PYGB: variants seen among roughly 807,000 people sequenced by gnomAD.
PYGB encodes glycogen phosphorylase, brain form.
Under a neutral mutation model 94.3 loss-of-function variants are expected in PYGB, and 82 were observed. The ratio of observed to expected loss-of-function variants is 0.87; its 90% CI spans 0.73 to 1.04. The LOEUF is 1.04. Among genes scored for constraint, PYGB ranks in the 50% least tolerant of loss-of-function variants. The pLI is 0.00. For synonymous variants in PYGB, 488 were observed against 479.1 expected, an observed-to-expected ratio of 1.02 and a Z score of -0.24; for missense variants, 1,132 against 1,158.2, an observed-to-expected ratio of 0.98 and a Z score of 0.33.
chr20:25,289,032 CTGG>C (rs2088443024), intron 15 of PYGB, among the ~76,000 whole-genome samples: 1 of 152,214 alleles, frequency 6.6e-6, no homozygotes, highest in East Asian at 1.9e-4. Context: ...GAGGGTCCTG[CTGG>C]AGCAGTGGCC....
intron 16 of PYGB, among the ~76,000 whole-genome samples, chr20:25,291,562 G>A (rs1253162734): frequency 6.6e-6 from 1 of 152,202 alleles, no homozygotes; most frequent in Non-Finnish European, 1.5e-5. Context: ...CCTGGCAGGC[G>A]AGGTCCCTTG....
Position 25,258,204 on chromosome 20 carries a change from A to C in PYGB, c.244-1033A>C, listed in dbSNP as rs74911839. Reference sequence around the variant, plus strand: ...TAGAGTATTCTTAAGTTATGTATTAAAAACTTTATGGACCTCACCGACGAC... The same window carrying C: ...TAGAGTATTCTTAAGTTATGTATTACAAACTTTATGGACCTCACCGACGAC... On this transcript the variant is annotated intron_variant, in intron 1 of 19. Coordinates refer to ENST00000216962, the MANE Select transcript of PYGB (RefSeq NM_002862.4). 2.2e-4 allele frequency among the ~76,000 whole-genome samples: 34 copies of C among 152,308 alleles called. No homozygotes were observed. In the East Asian group the frequency reaches 6.0e-3, roughly 27 times the overall value.
At chr20:25,250,205 A>G (rs6050486) in intron 1 of PYGB, among the ~76,000 whole-genome samples, 9,893 of 152,224 alleles carry the variant, frequency 0.065, 994 homozygotes, top group African/African-American at 0.22. Flanking sequence ...CTCTGCCTTC[A>G]CATTCAAGGG....
chr20:25,282,227 G>A (rs1016481664), intron 12 of PYGB, 80 bp downstream of exon 12: 201 of 1,190,364 alleles, frequency 1.7e-4, no homozygotes, highest in East Asian at 4.4e-4. Context: ...CCTGCTGAGC[G>A]GTTGCTGAGT....
intron 1 of PYGB, among the ~76,000 whole-genome samples, chr20:25,253,251 A>T (rs1261508546): frequency 6.6e-6 from 1 of 152,200 alleles, no homozygotes; most frequent in African/African-American, 2.4e-5. Context: ...GTGGCCTTGC[A>T]CTTCAGAATC....
intron 19 of PYGB, among the ~76,000 whole-genome samples, 155 bp from the exon 20 acceptor site, chr20:25,296,215 T>C (rs1415158729): frequency 6.6e-6 from 1 of 152,186 alleles, no homozygotes; most frequent in East Asian, 1.9e-4. Flanking sequence ...GGTCCCCTTT[T>C]CAACGAACAA....
Position 25,278,444 on chromosome 20 carries a change from C to T in PYGB, c.981C>T (p.Phe327=), listed in dbSNP as rs139728214. 2.5e-6 allele frequency: 4 copies of T among 1,614,158 alleles called. No individual in the cohort carries two copies. The highest frequency in any genetic ancestry group is 3.4e-6 in the Non-Finnish European group (4 of 1,180,012). Residue 327 remains phenylalanine (F), a synonymous_variant, in exon 8 of 20, where the codon TTC becomes TTT. Coordinates refer to ENST00000216962, the MANE Select transcript of PYGB (RefSeq NM_002862.4). ...GCCGGGACCCTGTGAGAACCTGTTT[C>T]GAGACGTTCCCAGACAAGGTGCATG... The part of the protein sequence containing the change: ...FGCRDPVRTC[F]ETFPDKVAIQ...
chr20:25,276,799 G>T, intron 6 of PYGB, 42 bp downstream of exon 6: 1 of 1,575,982 alleles, frequency 6.3e-7, no homozygotes, highest in Non-Finnish European at 8.7e-7. Flanking sequence ...CCATGTGGGT[G>T]GCTGGTCCCA....
chr20:25,290,550 CA>C lies in PYGB; in HGVS notation c.1898del (p.His633LeufsTer9). The C allele has an allele frequency of 6.2e-7, 1 of 1,612,190 alleles. No individual in the cohort carries two copies. Among genetic ancestry groups the C allele is most frequent in the Admixed American group, 1.7e-5 (1 of 60,002 alleles). On this transcript the variant is annotated frameshift_variant, in exon 16 of 20. Transcript: ENST00000216962. LOFTEE classifies it high-confidence loss of function. ...CACCTCCATCGGCGACGTCGTCAAT[CA>C]TGACCCAGTTGTGGGTGACAGGTTG... ...LVTSIGDVVN[H>X]DPVVGDRLKV...
At chr20:25,293,325 A>T (rs768783360) in intron 17 of PYGB, among the ~76,000 whole-genome samples, 3 of 151,992 alleles carry the variant, frequency 2.0e-5, no homozygotes, top group Non-Finnish European at 4.4e-5. Context: ...TGTCTTTCCC[A>T]TCCCAGGATC....
Position 25,284,114 on chromosome 20 carries a change from TC to T in PYGB, c.1632del (p.Lys545SerfsTer12), listed in dbSNP as rs1568695645. On this transcript the variant is annotated frameshift_variant, in exon 14 of 20. Transcript: ENST00000216962. LOFTEE classifies it high-confidence loss of function. ...CTTTCACCCTCCCAGGAGAACAAGC[TC>T]AAGTTCTCGGCCTTCCTGGAGAAGG... ...DVAKVKQENKLKFSAFLEKEY... is the reference protein window; with the variant it reads ...DVAKVKQENKXKFSAFLEKEY... The T allele has an allele frequency of 6.2e-7, 1 of 1,613,900 alleles. No homozygotes were observed. Among genetic ancestry groups the T allele is most frequent in the East Asian group, 2.2e-5 (1 of 44,856 alleles).
intron 17 of PYGB, 186 bp from the exon 18 acceptor site, chr20:25,293,972 C>T (rs1418122134): frequency 1.8e-5 from 12 of 669,104 alleles, no homozygotes; most frequent in Admixed American, 5.6e-5. Context: ...CATCTCTGCT[C>T]GAGCAGGTCC....
intron 11 of PYGB, 109 bp downstream of exon 11, chr20:25,281,221 C>T: frequency 7.3e-7 from 1 of 1,376,880 alleles, no homozygotes; most frequent in Non-Finnish European, 9.9e-7. Flanking sequence ...ACAACCTGTG[C>T]CACTAGGCCC....
chr20:25,262,306 G>A (rs867201965), intron 2 of PYGB, among the ~76,000 whole-genome samples: 16 of 152,372 alleles, frequency 1.1e-4, no homozygotes, highest in African/African-American at 3.6e-4. Flanking sequence ...AGCCAGAAGA[G>A]AGTGGGGGCC....
intron 1 of PYGB, among the ~76,000 whole-genome samples, chr20:25,252,717 T>A (rs1440974682): frequency 6.6e-6 from 1 of 152,256 alleles, no homozygotes; most frequent in African/African-American, 2.4e-5. Flanking sequence ...CAGGTGCCAC[T>A]GTCCCAGCAC....
At chr20:25,283,303 C>G (rs201405905) in intron 13 of PYGB, 26 bp downstream of exon 13, 1 of 1,586,560 alleles carries the variant, frequency 6.3e-7, no homozygotes, top group Non-Finnish European at 8.6e-7. Flanking sequence ...GCCCCAGCCC[C>G]GACCCCAGCC....
chr20:25,275,313 G>A (rs930580307), intron 5 of PYGB, among the ~76,000 whole-genome samples: 3 of 152,256 alleles, frequency 2.0e-5, no homozygotes, highest in African/African-American at 4.8e-5. Flanking sequence ...CGGCAGCGAC[G>A]GGTGCCAGGC....
rs776165720 is a variant in PYGB, at chr20:25,292,463, G to A, written c.2027G>A (p.Gly676Asp). The A allele has an allele frequency of 6.2e-7, 1 of 1,613,628 alleles. No individual in the cohort carries two copies. The highest frequency in any genetic ancestry group is 8.5e-7 in the Non-Finnish European group (1 of 1,180,022). Residue 676 changes from glycine to aspartate, a missense_variant, in exon 17 of 20, where the codon GGC becomes GAC. Transcript: ENST00000216962. ...TCCACTGCAGGCACCGAGGCCTCAG[G>A]CACAGGCAACATGAAGTTCATGCTC... The part of the protein sequence containing the change: ...QISTAGTEAS[G>D]TGNMKFMLNG...
Position 25,257,486 on chromosome 20 carries a change from C to G in PYGB, c.244-1751C>G, listed in dbSNP as rs533035817. ...ACTTTTTCCCCACAGTAGAAAAGTT[C>G]TAAGTAGAAGTTAGGAACTTTTGCA... On this transcript the variant is annotated intron_variant, in intron 1 of 19. Transcript: ENST00000216962. Among the ~76,000 whole-genome samples, 9 of 152,292 alleles carry G rather than the reference C, an allele frequency of 5.9e-5. No individual in the cohort carries two copies. In the South Asian group the frequency reaches 1.9e-3, roughly 32 times the overall value.
Sources: gnomAD v4.1 joint callset for allele counts (sites outside exome capture counted in the v4.1 genomes callset) on GRCh38, gnomAD v4.1.1 for gene constraint, MANE v1.5 for transcripts, NCBI Gene and HGNC (gene_info 2026-07-23, HGNC 2026-07-21) for gene names.